Variants in PDZD2 observed in about 807,000 individuals in gnomAD.
The protein encoded by PDZD2 is PDZ domain containing 2.
PDZD2 carries 90 observed loss-of-function variants against 220.7 expected under a neutral mutation model. The ratio of observed to expected loss-of-function variants is 0.41; its 90% CI spans 0.34 to 0.49. PDZD2 has a LOEUF of 0.49. Ranked by LOEUF, PDZD2 falls within the 20% of genes least tolerant of loss-of-function variation. The probability of loss-of-function intolerance (pLI) is 0.28; values close to 1 mark genes in which losing one functional copy is unlikely to be tolerated. For synonymous variants in PDZD2, 1,375 were observed against 1,450.5 expected (o/e 0.95, Z 1.18); for missense variants, 3,174 against 3,608.5 (o/e 0.88, Z 3.08).
intron 1 of PDZD2, among the ~76,000 whole-genome samples, chr5:31,733,683 G>A (rs541155434): frequency 6.6e-6 from 1 of 152,298 alleles, no homozygotes; most frequent in Non-Finnish European, 1.5e-5. Flanking sequence ...AACTGGGAAC[G>A]AAGCCAGTAC....
chr5:31,828,264 C>T (rs1333560379), intron 2 of PDZD2, among the ~76,000 whole-genome samples: 1 of 152,114 alleles, frequency 6.6e-6, no homozygotes, highest in East Asian at 1.9e-4. Context: ...GAGAAATCTC[C>T]AAATTGTTTC....
At chr5:32,026,998 G>C (rs1251349980) in intron 6 of PDZD2, among the ~76,000 whole-genome samples, 1 of 152,158 alleles carries the variant, frequency 6.6e-6, no homozygotes, top group Non-Finnish European at 1.5e-5. Context: ...TGCCTCCCGG[G>C]CTCAAGCAAT....
At position 32,108,187 on chromosome 5, in the gene PDZD2, G is replaced by C. The variant is rs1449695573; in HGVS notation, c.*52G>C. On this transcript the variant is annotated 3_prime_UTR_variant, in exon 25 of 25. Transcript: ENST00000438447. ...TCTCTTCTTTCTTTAGCAAATCAGA[G>C]TGACTTCTTTAAACCACAGGTTGTT... 2 of 1,333,558 alleles carry C rather than the reference G, an allele frequency of 1.5e-6. No individual in the cohort carries two copies. Among genetic ancestry groups the C allele is most frequent in the South Asian group, 1.3e-5 (1 of 74,332 alleles). The allele number at this position is 1,333,558 out of a possible 1,614,324, so 82.6% of individuals were successfully genotyped here.
chr5:32,006,009 T>C (rs1366509381), intron 5 of PDZD2, among the ~76,000 whole-genome samples: 3 of 152,012 alleles, frequency 2.0e-5, no homozygotes, highest in African/African-American at 7.2e-5. Flanking sequence ...TAGCCAGGCA[T>C]GGTGGCGTGC....
At chr5:32,036,647 G>A (rs1714396447) in intron 6 of PDZD2, among the ~76,000 whole-genome samples, 1 of 152,182 alleles carries the variant, frequency 6.6e-6, no homozygotes, top group African/African-American at 2.4e-5. Context: ...CTGGGGCTGA[G>A]CTTGATTCCA....
intron 5 of PDZD2, among the ~76,000 whole-genome samples, chr5:32,002,767 A>C (rs1251929563): frequency 2.8e-5 from 3 of 107,354 alleles, no homozygotes; most frequent in Admixed American, 9.5e-5. Context: ...CCCACACACC[A>C]CACACACCAA....
At chr5:31,684,106 G>A (rs1016481319) in intron 1 of PDZD2, among the ~76,000 whole-genome samples, 3 of 152,138 alleles carry the variant, frequency 2.0e-5, no homozygotes, top group African/African-American at 7.2e-5. Context: ...GATCTGAAAT[G>A]CTGTCTTCAT....
At chr5:31,661,014 A>C (rs185641955) in intron 1 of PDZD2, among the ~76,000 whole-genome samples, 10 of 152,308 alleles carry the variant, frequency 6.6e-5, no homozygotes, top group Admixed American at 5.9e-4. Context: ...GATAACAGGC[A>C]TGAGCCACTG....
intron 1 of PDZD2, among the ~76,000 whole-genome samples, chr5:31,700,773 C>G (rs1163483098): frequency 1.3e-5 from 2 of 152,210 alleles, no homozygotes; most frequent in Non-Finnish European, 2.9e-5. Flanking sequence ...CCTAGTTTGT[C>G]AGGACTGCCA....
intron 2 of PDZD2, among the ~76,000 whole-genome samples, chr5:31,869,332 G>A (rs574679456): frequency 6.6e-6 from 1 of 152,222 alleles, no homozygotes; most frequent in East Asian, 1.9e-4. Flanking sequence ...TCCCTGTGAC[G>A]TGTGTTCATC....
In PDZD2 at chr5:32,053,822, G is replaced by C; in HGVS notation, c.1839G>C (p.Gly613=). 2 of 1,613,764 alleles carry C rather than the reference G, an allele frequency of 1.2e-6. No homozygotes were observed. The highest frequency in any genetic ancestry group is 1.7e-6 in the Non-Finnish European group (2 of 1,179,668). The part of the protein sequence containing the change: ...GGRDCIRGQM[G]IFVKTIFPNG... ...GAGACTGCATTCGTGGACAGATGGG[G>C]ATTTTTGTCAAGACCATCTTCCCAA... is the stretch of plus-strand genomic sequence containing the variant. The change falls in exon 10 of 25, where the codon GGG becomes GGC. Residue 613 remains glycine, a synonymous_variant. Coordinates refer to ENST00000438447, the MANE Select transcript of PDZD2 (RefSeq NM_178140.4).
chr5:31,867,153 T>G (rs1738298574), intron 2 of PDZD2, among the ~76,000 whole-genome samples: 4 of 152,140 alleles, frequency 2.6e-5, no homozygotes, highest in South Asian at 2.1e-4. Flanking sequence ...TTAAAAAGCT[T>G]CTCTGCTGCT....
At chr5:31,645,992 G>C (rs1378717637) in intron 1 of PDZD2, among the ~76,000 whole-genome samples, 1 of 151,918 alleles carries the variant, frequency 6.6e-6, no homozygotes, top group Non-Finnish European at 1.5e-5. Flanking sequence ...AGGCCTCCGG[G>C]CATCCCCAGG....
chr5:31,978,758 G>T (rs1280173401), intron 2 of PDZD2, among the ~76,000 whole-genome samples: 1 of 147,418 alleles, frequency 6.8e-6, no homozygotes, highest in African/African-American at 2.5e-5. Context: ...CCTATTTAAA[G>T]TCTCTCACCA....
intron 5 of PDZD2, among the ~76,000 whole-genome samples, chr5:32,003,406 T>C (rs1230530534): frequency 4.7e-3 from 136 of 28,832 alleles, no homozygotes; most frequent in Non-Finnish European, 5.4e-3. Context: ...ACACACACAC[T>C]CCTCCACACA....
intron 2 of PDZD2, among the ~76,000 whole-genome samples, chr5:31,882,171 A>G (rs544910827): frequency 2.5e-4 from 38 of 152,234 alleles, no homozygotes; most frequent in Non-Finnish European, 4.4e-4. Flanking sequence ...AGCCACATGC[A>G]TACATCGACA....
chr5:31,760,900 C>T lies in PDZD2; in HGVS notation c.-360-37989C>T, dbSNP rs184470420. On this transcript the variant is annotated intron_variant, in intron 1 of 24. Transcript: ENST00000438447. ...TCACGCCACTGCACTCCAGCCTGGG[C>T]GATGAGAGCGAGACCCTGTCTCAAA... is the stretch of plus-strand genomic sequence containing the variant. Among the ~76,000 whole-genome samples, 260 of 152,092 alleles carry T rather than the reference C, an allele frequency of 1.7e-3. 5 individuals are homozygous for T. Among genetic ancestry groups the T allele is most frequent in the South Asian group, 1.3e-3 (6 of 4,798 alleles).
At chr5:32,005,095 C>A (rs1429858727) in intron 5 of PDZD2, among the ~76,000 whole-genome samples, 1 of 152,214 alleles carries the variant, frequency 6.6e-6, no homozygotes, top group African/African-American at 2.4e-5. Context: ...CCTTCATGTG[C>A]CTCTTGACAT....
intron 14 of PDZD2, among the ~76,000 whole-genome samples, chr5:32,066,107 C>T (rs1233491356): frequency 2.0e-5 from 3 of 152,174 alleles, no homozygotes; most frequent in East Asian, 3.9e-4. Flanking sequence ...CTTTGCAAGG[C>T]CAAGGCAGGT....
Sources: allele counts gnomAD v4.1 joint callset (sites outside exome capture counted in the v4.1 genomes callset), GRCh38; gene constraint gnomAD v4.1.1; transcripts MANE v1.5; gene names NCBI Gene and HGNC (gene_info 2026-07-23, HGNC 2026-07-21).